Variants in PRKN observed in about 807,000 individuals in gnomAD.
PRKN encodes the protein parkin RBR E3 ubiquitin protein ligase.
PRKN carries 56 observed loss-of-function variants against 59.5 expected under a neutral mutation model. That is an observed-to-expected ratio of 0.94 (90% CI 0.76 to 1.18). PRKN has a LOEUF of 1.18. PRKN is among the 50% of genes most tolerant of loss of function. The probability of loss-of-function intolerance (pLI) is 0.00; values close to 1 mark genes in which losing one functional copy is unlikely to be tolerated. For synonymous variants in PRKN, 250 were observed against 222.1 expected, an observed-to-expected ratio of 1.13 and a Z score of -1.12; for missense variants, 657 against 596.4, an observed-to-expected ratio of 1.10 and a Z score of -1.06.
intron 6 of PRKN, among the ~76,000 whole-genome samples, chr6:161,845,394 T>G (rs751378208): frequency 6.6e-6 from 1 of 152,194 alleles, no homozygotes; most frequent in Non-Finnish European, 1.5e-5. Context: ...GAAAACCATG[T>G]GGGTCATTCC....
chr6:161,932,657 T>C (rs942893028), intron 6 of PRKN, among the ~76,000 whole-genome samples: 2 of 152,240 alleles, frequency 1.3e-5, no homozygotes, highest in Non-Finnish European at 2.9e-5. Context: ...ATAAAAAAAT[T>C]ATGTTTTATG....
intron 1 of PRKN, among the ~76,000 whole-genome samples, chr6:162,444,091 T>A: frequency 6.6e-6 from 1 of 152,224 alleles, no homozygotes; most frequent in East Asian, 1.9e-4. Context: ...GAAGCCACTG[T>A]TCCCCGTGAG....
intron 7 of PRKN, among the ~76,000 whole-genome samples, chr6:161,739,975 G>A (rs1038511512): frequency 1.3e-5 from 2 of 152,184 alleles, no homozygotes. Context: ...GGCTGGTCTC[G>A]AACTCCTGAC....
intron 4 of PRKN, among the ~76,000 whole-genome samples, chr6:162,180,317 G>C (rs575194848): frequency 6.6e-6 from 1 of 152,160 alleles, no homozygotes; most frequent in African/African-American, 2.4e-5. Flanking sequence ...GTAACTCAAA[G>C]AAAAAATGCT....
chr6:162,310,555 G>T (rs192319486), intron 2 of PRKN, among the ~76,000 whole-genome samples: 69 of 151,248 alleles, frequency 4.6e-4, no homozygotes, highest in Admixed American at 2.0e-3. Context: ...TCTAAAGGAA[G>T]AAATTTCTGT....
At chr6:161,865,436 T>A (rs1405474385) in intron 6 of PRKN, among the ~76,000 whole-genome samples, 1 of 152,090 alleles carries the variant, frequency 6.6e-6, no homozygotes, top group Non-Finnish European at 1.5e-5. Flanking sequence ...AGGAATCGAT[T>A]TTTTTTTATC....
intron 4 of PRKN, among the ~76,000 whole-genome samples, chr6:162,195,493 A>C (rs905522918): frequency 1.3e-5 from 2 of 152,202 alleles, no homozygotes; most frequent in Non-Finnish European, 2.9e-5. Context: ...TTTCTTAATA[A>C]ATTTCCTCAC....
intron 4 of PRKN, among the ~76,000 whole-genome samples, chr6:162,100,245 G>A (rs1779911857): frequency 6.6e-6 from 1 of 152,150 alleles, no homozygotes; most frequent in South Asian, 2.1e-4. Context: ...ACATGGGAGT[G>A]CAGACATCCC....
At chr6:161,375,510 A>C (rs1785658399) in intron 10 of PRKN, among the ~76,000 whole-genome samples, 1 of 152,052 alleles carries the variant, frequency 6.6e-6, no homozygotes, top group African/African-American at 2.4e-5. Flanking sequence ...AAAAACCCAA[A>C]CCCCCAAGTT....
At chr6:161,930,827 A>G (rs944250250) in intron 6 of PRKN, among the ~76,000 whole-genome samples, 1 of 152,220 alleles carries the variant, frequency 6.6e-6, no homozygotes, top group Non-Finnish European at 1.5e-5. Context: ...AGTCAGTGTC[A>G]GAGTGACACA....
At position 162,390,394 on chromosome 6, in the gene PRKN, TATAC is replaced by T. The variant is rs1222907613; in HGVS notation, c.171+52912_171+52915del. On this transcript the variant is annotated intron_variant, in intron 2 of 11. Coordinates refer to ENST00000366898, the MANE Select transcript of PRKN (RefSeq NM_004562.3). ...GCTAAGGTATATATATATATATATATATACACACACACACACACACACACACACA... is the reference window on the plus strand; with the variant it reads ...GCTAAGGTATATATATATATATATATACACACACACACACACACACACACA... Among the ~76,000 whole-genome samples, 598 of 120,720 alleles carry T rather than the reference TATAC, an allele frequency of 5.0e-3. 6 individuals carry two copies. Among genetic ancestry groups the T allele is most frequent in the African/African-American group, 0.017 (442 of 26,122 alleles). 79.2% of individuals were successfully genotyped at this position (120,720 alleles called of 152,430 possible).
At position 161,360,157 on chromosome 6, in the gene PRKN, C is replaced by T; in HGVS notation, c.1216G>A (p.Ala406Thr). 1.2e-6 allele frequency: 2 copies of T among 1,614,218 alleles called. No individual in the cohort carries two copies. The highest frequency in any genetic ancestry group is 1.7e-6 in the Non-Finnish European group (2 of 1,180,026). ...RAAEQARWEA[A>T]SKETIKKTTK... The stretch of plus-strand genomic sequence containing the variant: ...GTTTTCTTGATGGTTTCTTTGGAGG[C>T]TGCTTCCCAACGAGCCTGCTCGGCG... The change falls in exon 11 of 12, where the codon GCC becomes ACC. Residue 406 changes from alanine to threonine, a missense_variant. Coordinates refer to ENST00000366898, the MANE Select transcript of PRKN (RefSeq NM_004562.3). The surrounding 1 kb of genome is among the most constrained non-coding windows in gnomAD (Gnocchi z 5.1).
intron 7 of PRKN, among the ~76,000 whole-genome samples, chr6:161,743,706 A>G (rs1788295258): frequency 6.6e-6 from 1 of 152,152 alleles, no homozygotes; most frequent in South Asian, 2.1e-4. Context: ...GCCCCGAGGA[A>G]GGCCTCACTC....
chr6:162,046,815 T>C (rs534208139), intron 5 of PRKN, among the ~76,000 whole-genome samples: 1 of 152,272 alleles, frequency 6.6e-6, no homozygotes, highest in East Asian at 1.9e-4. Context: ...TAATGCGTTT[T>C]CATATACAAA....
chr6:162,057,483 T>C (rs760031455), intron 4 of PRKN, among the ~76,000 whole-genome samples: 3 of 152,196 alleles, frequency 2.0e-5, no homozygotes, highest in Non-Finnish European at 4.4e-5. Context: ...TGAGCATATA[T>C]TCACTCGATA....
At chr6:161,926,297 T>C (rs1050098909) in intron 6 of PRKN, among the ~76,000 whole-genome samples, 1 of 152,110 alleles carries the variant, frequency 6.6e-6, no homozygotes, top group Admixed American at 6.5e-5. Context: ...CTGGGCGAAT[T>C]TCCCTATTAT....
chr6:162,244,032 CT>C (rs1779099515), intron 3 of PRKN, among the ~76,000 whole-genome samples: 1 of 152,036 alleles, frequency 6.6e-6, no homozygotes, highest in South Asian at 2.1e-4. Flanking sequence ...AAAACAGTTG[CT>C]CTTTAGAAAC....
At chr6:161,835,545 C>T (rs913149104) in intron 6 of PRKN, among the ~76,000 whole-genome samples, 1 of 152,196 alleles carries the variant, frequency 6.6e-6, no homozygotes, top group African/African-American at 2.4e-5. Flanking sequence ...GATGTAAGGC[C>T]CGAGACACTG....
intron 4 of PRKN, among the ~76,000 whole-genome samples, chr6:162,167,091 C>A (rs999009207): frequency 6.6e-6 from 1 of 152,128 alleles, no homozygotes; most frequent in African/African-American, 2.4e-5. Context: ...AGGAGCCAAG[C>A]TGATGAGTGG....
Sources: gnomAD v4.1 joint callset for allele counts (sites outside exome capture counted in the v4.1 genomes callset) on GRCh38, gnomAD v4.1.1 for gene constraint, Gnocchi (gnomAD v3.1) non-coding constraint, MANE v1.5 for transcripts, NCBI Gene and HGNC (gene_info 2026-07-23, HGNC 2026-07-21) for gene names.